RYR3: variants seen among roughly 807,000 people sequenced by gnomAD.
RYR3 encodes ryanodine receptor 3.
A neutral mutation model predicts 584.3 loss-of-function variants in RYR3; 207 were observed. That is an observed-to-expected ratio of 0.35 (90% CI 0.32 to 0.40). The LOEUF is 0.40. Among genes scored for constraint, RYR3 ranks in the 10% least tolerant of loss-of-function variants. The probability of loss-of-function intolerance (pLI) is 1.00; values close to 1 mark genes in which losing one functional copy is unlikely to be tolerated. For synonymous variants in RYR3, 2,416 were observed against 2,248.5 expected (o/e 1.07, Z -2.11); for missense variants, 5,616 against 6,089.2 (o/e 0.92, Z 2.59).
At chr15:33,543,180 T>G (rs73384686) in intron 7 of RYR3, among the ~76,000 whole-genome samples, 2,286 of 152,234 alleles carry the variant, frequency 0.015, 64 homozygotes, top group African/African-American at 0.052. Context: ...TGCTACCCCC[T>G]TCTCAGCACC....
chr15:33,630,199 A>G (rs1410619345), intron 22 of RYR3, among the ~76,000 whole-genome samples, 156 bp downstream of exon 22: 2 of 152,234 alleles, frequency 1.3e-5, no homozygotes, highest in Non-Finnish European at 2.9e-5. Flanking sequence ...AGGATTTAGC[A>G]TAACCATCCA....
Position 33,831,026 on chromosome 15 carries a change from C to G in RYR3, c.11398C>G (p.His3800Asp). 6.2e-7 allele frequency: 1 copy of G among 1,613,584 alleles called. No individual in the cohort carries two copies. Among genetic ancestry groups the G allele is most frequent in the Non-Finnish European group, 8.5e-7 (1 of 1,179,600 alleles). Residue 3800 changes from histidine (H) to aspartate (D), a missense_variant, in exon 86 of 104, where the codon CAC (histidine) becomes GAC (aspartate). His to Asp is a moderately conservative substitution (Grantham distance 81, BLOSUM62 -1). Transcript: ENST00000634891. ...GKDIIDESGQHNFSKALAVTK... is the reference protein window; with the variant it reads ...GKDIIDESGQDNFSKALAVTK... ...GGACATCATTGATGAATCTGGACAG[C>G]ACAATTTTTCCAAAGCTCTGGCAGT...
At chr15:33,785,243 C>T (rs922473019) in intron 65 of RYR3, among the ~76,000 whole-genome samples, 12 of 152,180 alleles carry the variant, frequency 7.9e-5, no homozygotes, top group Non-Finnish European at 2.9e-5. Context: ...GGCAATGGCA[C>T]CACAGCTTGG....
intron 2 of RYR3, among the ~76,000 whole-genome samples, chr15:33,489,192 G>A (rs919649239): frequency 5.9e-5 from 9 of 152,176 alleles, no homozygotes; most frequent in African/African-American, 9.6e-5. Context: ...CATTTACATC[G>A]ACAGCTTTAT....
At chr15:33,464,127 A>G (rs2048258131) in intron 1 of RYR3, among the ~76,000 whole-genome samples, 1 of 152,096 alleles carries the variant, frequency 6.6e-6, no homozygotes, top group Non-Finnish European at 1.5e-5. Context: ...GAGGAGAGAG[A>G]TTAGAAATAA....
intron 43 of RYR3, among the ~76,000 whole-genome samples, chr15:33,707,977 C>G (rs894707269): frequency 1.3e-5 from 2 of 152,156 alleles, no homozygotes; most frequent in Admixed American, 6.5e-5. Flanking sequence ...TTCTCCTTGT[C>G]CTGGTTAGAT....
intron 98 of RYR3, among the ~76,000 whole-genome samples, chr15:33,855,678 A>G (rs995150273): frequency 6.6e-6 from 1 of 151,940 alleles, no homozygotes; most frequent in Non-Finnish European, 1.5e-5. Flanking sequence ...TTTCAGATAC[A>G]CACACACATA....
intron 1 of RYR3, among the ~76,000 whole-genome samples, chr15:33,399,552 C>T (rs2676079): frequency 0.016 from 2,367 of 152,226 alleles, 66 homozygotes; most frequent in African/African-American, 0.053. Context: ...GCAGGAGAAT[C>T]ACTTGAACCC....
chr15:33,811,117 T>A, intron 72 of RYR3, 80 bp downstream of exon 72: 1 of 1,168,460 alleles, frequency 8.6e-7, no homozygotes, highest in Non-Finnish European at 1.3e-6. Flanking sequence ...CTTCATTTAC[T>A]CATGCTTCTT....
In RYR3 at chr15:33,656,701, G is replaced by A. The variant is rs146166914; in HGVS notation, c.4309-3019G>A. Among the ~76,000 whole-genome samples the A allele has an allele frequency of 8.3e-4, 127 of 152,234 alleles. No individual in the cohort carries two copies. The East Asian group carries it at 0.024, about 29-fold the overall frequency. On this transcript the variant is annotated intron_variant, in intron 32 of 103. Transcript: ENST00000634891. ...GTATTGGCAGTTCTTTGAGATTATGGGTCTTAGGTCGTAGATTCTGAGGCC... is the reference window on the plus strand; with the variant it reads ...GTATTGGCAGTTCTTTGAGATTATGAGTCTTAGGTCGTAGATTCTGAGGCC...
chr15:33,551,744 G>A (rs1327376488), intron 10 of RYR3, among the ~76,000 whole-genome samples: 4 of 143,450 alleles, frequency 2.8e-5, no homozygotes, highest in Non-Finnish European at 5.9e-5. Context: ...TCCTCACTTT[G>A]CTATCATTTT....
chr15:33,531,914 A>G (rs1429261253), intron 4 of RYR3, among the ~76,000 whole-genome samples: 1 of 152,182 alleles, frequency 6.6e-6, no homozygotes, highest in Non-Finnish European at 1.5e-5. Context: ...TAATAAACAG[A>G]ACTTCAAAAG....
In RYR3 at chr15:33,671,805, CTTTTTT is replaced by C. The variant is rs56206846; in HGVS notation, c.5860+1268_5860+1273del. On this transcript the variant is annotated intron_variant, in intron 38 of 103. Transcript: ENST00000634891. ...GTTGCTTCTTTCCCACCTTCTTTTT[CTTTTTT>C]TTTTTTTTTTTTTTTTTTCCTGAGA... Among the ~76,000 whole-genome samples the C allele has an allele frequency of 1.3e-3, 104 of 80,296 alleles. No individual in the cohort carries two copies. The Middle Eastern group carries it at 0.034, about 27-fold the overall frequency. The allele number at this position is 80,296 out of a possible 152,430, so 52.7% of individuals were successfully genotyped here. A position where few individuals can be genotyped will look rare whatever the true frequency, so the allele number is the denominator to read the frequency against.
At chr15:33,509,615 C>G (rs936483145) in intron 3 of RYR3, among the ~76,000 whole-genome samples, 6 of 152,310 alleles carry the variant, frequency 3.9e-5, no homozygotes, top group Non-Finnish European at 8.8e-5. Context: ...CAGGAGAGTT[C>G]ATAAGATTTC....
intron 53 of RYR3, among the ~76,000 whole-genome samples, chr15:33,746,803 C>CTTT (rs367738785): frequency 4.6e-4 from 63 of 135,692 alleles, no homozygotes; most frequent in Middle Eastern, 3.8e-3. Flanking sequence ...TTTCTTTCTT[C>CTTT]TTTTTTTTTT....
intron 1 of RYR3, among the ~76,000 whole-genome samples, chr15:33,361,273 A>C (rs1224022493): frequency 6.6e-6 from 1 of 152,262 alleles, no homozygotes; most frequent in African/African-American, 2.4e-5. Flanking sequence ...CTTGCTGAAC[A>C]CATGATGCAG....
chr15:33,864,533 GAGAC>G (rs879286652), intron 103 of RYR3, among the ~76,000 whole-genome samples: 3 of 152,184 alleles, frequency 2.0e-5, no homozygotes, highest in Non-Finnish European at 4.4e-5. Context: ...AACGGAGTGA[GAGAC>G]AGGCTAAGAA....
intron 3 of RYR3, among the ~76,000 whole-genome samples, chr15:33,511,495 C>T (rs1466268586): frequency 1.3e-5 from 2 of 151,848 alleles, no homozygotes; most frequent in African/African-American, 2.4e-5. Flanking sequence ...TTCACTCCTT[C>T]AATATACATG....
At chr15:33,614,625 T>G (rs948865999) in intron 19 of RYR3, among the ~76,000 whole-genome samples, 3 of 152,132 alleles carry the variant, frequency 2.0e-5, no homozygotes, top group African/African-American at 7.2e-5. Flanking sequence ...TTCTGATATT[T>G]ATTTTTTGGT....
Sources: gnomAD v4.1 joint callset for allele counts (sites outside exome capture counted in the v4.1 genomes callset) on GRCh38, gnomAD v4.1.1 for gene constraint, MANE v1.5 for transcripts, NCBI Gene and HGNC (gene_info 2026-07-23, HGNC 2026-07-21) for gene names.